The following GEMIN4 variants were observed in gnomAD, a reference collection of about 807,000 sequenced individuals.
The protein encoded by GEMIN4 is gem nuclear organelle associated protein 4, also known as gem-associated protein 4.
A neutral mutation model predicts 76.8 loss-of-function variants in GEMIN4; 59 were observed. That is an observed-to-expected ratio of 0.77 (90% CI 0.62 to 0.95). GEMIN4 has a LOEUF of 0.95. Among genes scored for constraint, GEMIN4 ranks in the 40% least tolerant of loss-of-function variants. The pLI, the probability that GEMIN4 is intolerant of heterozygous loss-of-function variation, is 0.00. For synonymous variants in GEMIN4, 562 were observed against 559.7 expected, an observed-to-expected ratio of 1.00 and a Z score of -0.06; for missense variants, 1,311 against 1,318.9, an observed-to-expected ratio of 0.99 and a Z score of 0.09.
At position 746,967 on chromosome 17, in the gene GEMIN4, G is replaced by C; in HGVS notation, c.1076C>G (p.Ala359Gly). ...CDSLTSFSQN[A>G]TLYLNRTSLS... ...GCTGGTGCGGTTCAGGTAGAGCGTC[G>C]CGTTCTGGCTGAAGGAAGTCAGACT... The change falls in exon 2 of 2, where the codon GCG becomes GGG. Residue 359 changes from alanine to glycine, a missense_variant. Physicochemically the swap from Ala to Gly is moderately conservative, Grantham distance 60 (BLOSUM62 0). Transcript: ENST00000319004. The surrounding 1 kb of genome is among the most constrained non-coding windows in gnomAD (Gnocchi z 4.3). 1 of 1,613,134 alleles carries C rather than the reference G, an allele frequency of 6.2e-7. No homozygotes were observed. Among genetic ancestry groups the C allele is most frequent in the Non-Finnish European group, 8.5e-7 (1 of 1,179,714 alleles).
In GEMIN4 at chr17:745,598, G is replaced by C. The variant is rs776983309; in HGVS notation, c.2445C>G (p.Leu815=). 2.5e-6 allele frequency: 4 copies of C among 1,610,108 alleles called. No individual in the cohort carries two copies. In the African/African-American group the frequency reaches 5.4e-5, roughly 22 times the overall value. ...CGCAGCAGCACTCCATCCAGGCCAG[G>C]AGCCCCGTGCCAGCCCCGTACCCTG... ...AHPGYGAGTG[L]LAWMECCCVS... is the part of the protein sequence containing the mutation. Residue 815 remains leucine, a synonymous_variant, in exon 2 of 2, where the codon CTC becomes CTG. Coordinates refer to ENST00000319004, the MANE Select transcript of GEMIN4 (RefSeq NM_015721.3). This position sits in a 1 kb window ranked among gnomAD's most constrained non-coding sequence, Gnocchi z 4.6.
At position 752,235 on chromosome 17, in the gene GEMIN4, G is replaced by C. The variant is rs1478929115; in HGVS notation, c.-93C>G. The C allele has an allele frequency of 5.7e-6, 7 of 1,228,752 alleles. No homozygotes were observed. The highest frequency in any genetic ancestry group is 6.1e-6 in the Non-Finnish European group (6 of 985,618). 76.1% of individuals were successfully genotyped at this position (1,228,752 alleles called of 1,614,324 possible). On this transcript the variant is annotated 5_prime_UTR_variant, in exon 1 of 2. Coordinates refer to ENST00000319004, the MANE Select transcript of GEMIN4 (RefSeq NM_015721.3). ...GACGCACGGCACGATGGGAGACGCAGGAGCCACGGCGGCCGCGCTTAGGCC... is the reference window on the plus strand; with the variant it reads ...GACGCACGGCACGATGGGAGACGCACGAGCCACGGCGGCCGCGCTTAGGCC...
In GEMIN4 at chr17:747,912, C is replaced by T. The variant is rs781167705; in HGVS notation, c.131G>A (p.Arg44Gln). Residue 44 changes from arginine (R) to glutamine (Q), a missense_variant, in exon 2 of 2, where the codon CGG becomes CAG. By Grantham distance (43) the Arg-to-Gln change is conservative (BLOSUM62 1). This residue lies in a region of GEMIN4 where 103 missense variants were observed against 152.0 expected (regional missense o/e 0.68). Coordinates refer to ENST00000319004, the MANE Select transcript of GEMIN4 (RefSeq NM_015721.3). The part of the protein sequence containing the change: ...LTKSDWERVG[R>Q]PIVEALREIS... Reference sequence around the variant, plus strand: ...CTCCCTTAAGGCCTCCACGATGGGCCGTCCAACACGTTCCCAGTCAGACTT... The same window carrying T: ...CTCCCTTAAGGCCTCCACGATGGGCTGTCCAACACGTTCCCAGTCAGACTT... The T allele has an allele frequency of 1.9e-6, 3 of 1,613,774 alleles. No homozygotes were observed. The highest frequency in any genetic ancestry group is 2.5e-6 in the Non-Finnish European group (3 of 1,179,882).
Position 751,014 on chromosome 17 carries a change from C to T in GEMIN4, c.10+1119G>A, listed in dbSNP as rs532220472. The stretch of plus-strand genomic sequence containing the variant: ...AGTTGAGCAGATGTTTGGCCCTAAA[C>T]ACCTGCCTTCCAGGCGCATTAAGTA... On this transcript the variant is annotated intron_variant, in intron 1 of 1. Transcript: ENST00000319004. Among the ~76,000 whole-genome samples, 31 of 152,360 alleles carry T rather than the reference C, an allele frequency of 2.0e-4. No homozygotes were observed. In the South Asian group the frequency reaches 6.2e-3, roughly 31 times the overall value.
Position 745,916 on chromosome 17 carries a change from G to C in GEMIN4, c.2127C>G (p.Ser709Arg). 1 of 1,613,096 alleles carries C rather than the reference G, an allele frequency of 6.2e-7. No homozygotes were observed. Among genetic ancestry groups the C allele is most frequent in the Non-Finnish European group, 8.5e-7 (1 of 1,179,878 alleles). ...TCTCCTTGGGAAGCTGCCAGTATTT[G>C]CTGAAGCGGTCCAAGAGCTGGCACA... The part of the protein sequence containing the change: ...FSLCQLLDRF[S>R]KYWQLPKEKR... Residue 709 changes from serine to arginine, a missense_variant, in exon 2 of 2, where the codon AGC (serine) becomes AGG (arginine). Physicochemically the swap from Ser to Arg is moderately radical, Grantham distance 110. Coordinates refer to ENST00000319004, the MANE Select transcript of GEMIN4 (RefSeq NM_015721.3). The surrounding 1 kb of genome is among the most constrained non-coding windows in gnomAD (Gnocchi z 4.6).
In GEMIN4 at chr17:744,931, T is replaced by C. The variant is rs752286647; in HGVS notation, c.3112A>G (p.Ile1038Val). ...RAHEQRFLKS[I>V]AEGIGPEERR... Reference sequence around the variant, plus strand: ...TCTTCAGGGCCGATGCCCTCAGCAATGGACTTTAAGAAGCGCTGCTCGTGT... The same window carrying C: ...TCTTCAGGGCCGATGCCCTCAGCAACGGACTTTAAGAAGCGCTGCTCGTGT... Residue 1038 changes from isoleucine (I) to valine (V), a missense_variant, in exon 2 of 2, where the codon ATT (isoleucine) becomes GTT (valine). This residue lies in a region of GEMIN4 where 1,208 missense variants were observed against 1,166.9 expected (regional missense o/e 1.04). Coordinates refer to ENST00000319004, the MANE Select transcript of GEMIN4 (RefSeq NM_015721.3). 2 of 1,613,868 alleles carry C rather than the reference T, an allele frequency of 1.2e-6. No homozygotes were observed. Among genetic ancestry groups the C allele is most frequent in the South Asian group, 1.1e-5 (1 of 91,064 alleles).
rs765849922 is a variant in GEMIN4 at position 745,386 on chromosome 17, T to C, written c.2657A>G (p.His886Arg). Reference sequence around the variant, plus strand: ...AATATATTCCAGGCTATAAGGGACATGGAGGAGCTGCTTCTCCAGCAGTCT... The same window carrying C: ...AATATATTCCAGGCTATAAGGGACACGGAGGAGCTGCTTCTCCAGCAGTCT... ...TRRLLEKQLL[H>R]VPYSLEYIQF... The change falls in exon 2 of 2, where the codon CAT (histidine) becomes CGT (arginine). Residue 886 changes from histidine (H) to arginine (R), a missense_variant. This residue lies in a region of GEMIN4 where 1,208 missense variants were observed against 1,166.9 expected (regional missense o/e 1.04). Transcript: ENST00000319004. This position sits in a 1 kb window ranked among gnomAD's most constrained non-coding sequence, Gnocchi z 4.6. The C allele has an allele frequency of 6.8e-6, 11 of 1,612,972 alleles. No individual in the cohort carries two copies. Among genetic ancestry groups the C allele is most frequent in the South Asian group, 3.3e-5 (3 of 91,058 alleles).
chr17:747,610 G>T lies in GEMIN4; in HGVS notation c.433C>A (p.Leu145Met), dbSNP rs775748616. ...GAAGTGTCAACGGTCACATGTTCCA[G>T]AAAGCGCTCTAGTTCTGCATGGCAG... Reference protein sequence around the residue: ...TICHAELERFLEHVTVDTSAE... With the variant: ...TICHAELERFMEHVTVDTSAE... Residue 145 changes from leucine (L) to methionine (M), a missense_variant, in exon 2 of 2, where the codon CTG becomes ATG. Physicochemically the swap from Leu to Met is conservative, Grantham distance 15 (BLOSUM62 2). This residue lies in a region of GEMIN4 where 1,208 missense variants were observed against 1,166.9 expected (regional missense o/e 1.04). Transcript: ENST00000319004. The T allele has an allele frequency of 1.9e-5, 31 of 1,613,902 alleles. No homozygotes were observed. The highest frequency in any genetic ancestry group is 2.5e-5 in the Non-Finnish European group (30 of 1,179,904).
intron 1 of GEMIN4, 121 bp from the exon 2 acceptor site, chr17:748,153 G>C (rs1904377172): frequency 1.1e-5 from 8 of 754,178 alleles, no homozygotes; most frequent in Admixed American, 5.8e-5. Flanking sequence ...CGGACGGGGA[G>C]AAGGGATGAC....
At chr17:753,934 GCC>G (rs938370279), upstream of GEMIN4, 11 of 152,200 alleles carry the variant, frequency 7.2e-5, no homozygotes, top group African/African-American at 2.2e-4. Context: ...AAGTCCAAAA[GCC>G]CCCACTGGAA....
chr17:750,163 G>A (rs1230323186), intron 1 of GEMIN4: 1 of 168,982 alleles, frequency 5.9e-6, no homozygotes, highest in South Asian at 2.0e-4. Context: ...AAGACTAGCT[G>A]GGGTAACACA....
rs1014488038 is a variant in GEMIN4, at chr17:744,656, C to T, written c.*210G>A. The T allele has an allele frequency of 4.9e-5, 26 of 530,898 alleles. No individual in the cohort carries two copies. The highest frequency in any genetic ancestry group is 6.9e-5 in the Non-Finnish European group (21 of 304,234). 32.9% of individuals were successfully genotyped at this position (530,898 alleles called of 1,614,324 possible). On this transcript the variant is annotated 3_prime_UTR_variant, in exon 2 of 2. Coordinates refer to ENST00000319004, the MANE Select transcript of GEMIN4 (RefSeq NM_015721.3). ...AGGAGAATTTTTATGATAGTTTGTA[C>T]GTTACAAATACCCAAGAAACTATTT...
At position 752,038 on chromosome 17, in the gene GEMIN4, C is replaced by T. The variant is rs1473981170; in HGVS notation, c.10+95G>A. 3.4e-6 allele frequency: 3 copies of T among 889,118 alleles called. No homozygotes were observed. The African/African-American group carries it at 5.2e-5, about 15-fold the overall frequency. 55.1% of individuals were successfully genotyped at this position (889,118 alleles called of 1,614,324 possible). On this transcript the variant is annotated intron_variant, in intron 1 of 1. Transcript: ENST00000319004. Reference sequence around the variant, plus strand: ...GGGGACGTTTCGGTCCGGGCCCGCGCGAGCGTGCGCGACAGGAGGAGACGC... The same window carrying T: ...GGGGACGTTTCGGTCCGGGCCCGCGTGAGCGTGCGCGACAGGAGGAGACGC...
chr17:747,289 G>T lies in GEMIN4; in HGVS notation c.754C>A (p.Leu252Met), dbSNP rs144406603. The stretch of plus-strand genomic sequence containing the variant: ...ACCTCCTGGGGGTCGTCCTCTGTCA[G>T]CGCAAACACAGTCAGCATGTCAGCC... ...NLADMLTVFA[L>M]TEDDPQEVSA... is the part of the protein sequence containing the mutation. Residue 252 changes from leucine (L) to methionine (M), a missense_variant, in exon 2 of 2, where the codon CTG becomes ATG. By Grantham distance (15) the Leu-to-Met change is conservative. Transcript: ENST00000319004. The T allele has an allele frequency of 4.1e-4, 658 of 1,613,814 alleles. 4 individuals carry two copies. In the African/African-American group the frequency reaches 7.8e-3, roughly 19 times the overall value.
chr17:754,116 C>G (rs1402923618), upstream of GEMIN4: 1 of 152,206 alleles, frequency 6.6e-6, no homozygotes, highest in Non-Finnish European at 1.5e-5. Context: ...AAAATGTTCC[C>G]GGGACTATTC....
Position 745,975 on chromosome 17 carries a change from G to A in GEMIN4, c.2068C>T (p.Gln690Ter), listed in dbSNP as rs758457318. The A allele has an allele frequency of 6.2e-7, 1 of 1,613,342 alleles. No individual in the cohort carries two copies. The highest frequency in any genetic ancestry group is 8.5e-7 in the Non-Finnish European group (1 of 1,179,864). ...AGGAGTGGAAACGGGGAGCAGGTCTGGAGCCAGTATTCCTCTCGGCACGCG... is the reference window on the plus strand; with the variant it reads ...AGGAGTGGAAACGGGGAGCAGGTCTAGAGCCAGTATTCCTCTCGGCACGCG... ...ANACREEYWL[Q>*]TCSPFPLLFS... Residue 690 changes from glutamine (Q) to a stop codon, truncating the protein, a stop_gained, in exon 2 of 2, where the codon CAG becomes TAG. Transcript: ENST00000319004. LOFTEE classifies it high-confidence loss of function. This position sits in a 1 kb window ranked among gnomAD's most constrained non-coding sequence, Gnocchi z 4.6.
Position 747,322 on chromosome 17 carries a change from C to G in GEMIN4, c.721G>C (p.Ala241Pro). The G allele has an allele frequency of 6.2e-7, 1 of 1,613,774 alleles. No individual in the cohort carries two copies. The highest frequency in any genetic ancestry group is 8.5e-7 in the Non-Finnish European group (1 of 1,179,870). ...LGPGRKCCAL[A>P]NLADMLTVFA... ...ACAGTCAGCATGTCAGCCAGGTTGG[C>G]CAGCGCACAGCACTTCCTCCCCGGG... Residue 241 changes from alanine to proline, a missense_variant, in exon 2 of 2, where the codon GCC (alanine) becomes CCC (proline). Coordinates refer to ENST00000319004, the MANE Select transcript of GEMIN4 (RefSeq NM_015721.3).
chr17:749,549 A>G (rs113547981), intron 1 of GEMIN4, among the ~76,000 whole-genome samples: 3 of 141,550 alleles, frequency 2.1e-5, no homozygotes, highest in Admixed American at 7.1e-5. Context: ...GCAATCACAC[A>G]GCCACAAGGT....
Position 747,362 on chromosome 17 carries a change from C to T in GEMIN4, c.681G>A (p.Gln227=). 6.2e-7 allele frequency: 1 copy of T among 1,613,804 alleles called. No individual in the cohort carries two copies. Among genetic ancestry groups the T allele is most frequent in the Non-Finnish European group, 8.5e-7 (1 of 1,179,898 alleles). ...TCCTCCCCGGGCCCAGGATCCGACT[C>T]TGGATCTGTGTCAGCCCGCGGAGCA... ...AMLLRGLTQI[Q]SRILGPGRKC... is the part of the protein sequence containing the mutation. Residue 227 remains glutamine (Q), a synonymous_variant, in exon 2 of 2, where the codon CAG becomes CAA. Coordinates refer to ENST00000319004, the MANE Select transcript of GEMIN4 (RefSeq NM_015721.3).
Sources: gnomAD v4.1 joint callset for allele counts (sites outside exome capture counted in the v4.1 genomes callset) on GRCh38, gnomAD v4.1.1 for gene constraint, gnomAD v4.1.1 regional missense constraint, Gnocchi (gnomAD v3.1) non-coding constraint, MANE v1.5 for transcripts, NCBI Gene and HGNC (gene_info 2026-07-23, HGNC 2026-07-21) for gene names.